Variants in PTPRD observed in about 807,000 individuals in gnomAD.
The protein encoded by PTPRD is protein tyrosine phosphatase receptor type D.
PTPRD carries 34 observed loss-of-function variants against 214.5 expected under a neutral mutation model. The observed-to-expected ratio is 0.16, with a 90% CI of 0.12 to 0.21. PTPRD has a LOEUF of 0.21. PTPRD is among the 10% of genes least tolerant of loss of function. The pLI is 1.00. For missense variants in PTPRD, 2,545 were observed against 2,398.7 expected (o/e 1.06, Z -1.27); for synonymous variants, 1,128 against 845.7 (o/e 1.33, Z -5.79).
intron 3 of PTPRD, among the ~76,000 whole-genome samples, chr9:10,157,405 G>A (rs932303382): frequency 2.0e-5 from 3 of 152,182 alleles, no homozygotes; most frequent in Non-Finnish European, 4.4e-5. Context: ...AGTTTGGCAA[G>A]ACATGAAGTT....
In PTPRD at chr9:10,557,865, C is replaced by G. The variant is rs144073791; in HGVS notation, c.-600+54533G>C. 8.2e-4 allele frequency among the ~76,000 whole-genome samples: 125 copies of G among 152,228 alleles called. 1 individual carries two copies. The Middle Eastern group carries it at 0.01, about 12-fold the overall frequency. On this transcript the variant is annotated intron_variant, in intron 2 of 45. Transcript: ENST00000381196. ...TATATTTATGTCACGTTCTAAGAAG[C>G]ATGTAAATGTTTTATAGCAAAATTA...
intron 9 of PTPRD, among the ~76,000 whole-genome samples, chr9:9,223,307 T>C (rs1312842013): frequency 6.6e-6 from 1 of 151,972 alleles, no homozygotes; most frequent in Non-Finnish European, 1.5e-5. Flanking sequence ...GATTATTTCA[T>C]GAAAACCACA....
intron 6 of PTPRD, among the ~76,000 whole-genome samples, chr9:9,762,411 T>A (rs1257518600): frequency 1.3e-5 from 2 of 152,226 alleles, no homozygotes; most frequent in African/African-American, 4.8e-5. Flanking sequence ...ATAAACAGAC[T>A]GAAAATTTTC....
At chr9:8,935,458 G>C (rs960824226) in intron 11 of PTPRD, among the ~76,000 whole-genome samples, 1 of 152,040 alleles carries the variant, frequency 6.6e-6, no homozygotes, top group African/African-American at 2.4e-5. Context: ...TTTAAAGTAA[G>C]TGCTTTGGGG....
Position 8,929,392 on chromosome 9 carries a change from G to C in PTPRD, c.-104+89305C>G, listed in dbSNP as rs533813214. Among the ~76,000 whole-genome samples the C allele has an allele frequency of 4.9e-4, 75 of 152,032 alleles. 1 individual carries two copies. In the South Asian group the frequency reaches 0.015, roughly 31 times the overall value. On this transcript the variant is annotated intron_variant, in intron 11 of 45. Coordinates refer to ENST00000381196, the MANE Select transcript of PTPRD (RefSeq NM_002839.4). The stretch of plus-strand genomic sequence containing the variant: ...ATACCTAGTTTATTGAGAGTTTTTA[G>C]CATGAAGTTGTGTTGAATTTTATCA...
rs369267299 is a variant in PTPRD, at chr9:8,748,910, T to C, written c.-103-14964A>G. Among the ~76,000 whole-genome samples the C allele has an allele frequency of 8.9e-4, 135 of 152,132 alleles. No individual in the cohort carries two copies. The East Asian group carries it at 0.011, about 12-fold the overall frequency. ...GGGTAATAAGAGCAAAACTCCATCA[T>C]AAAAAAAGAAAATTCATCATTTTCT... On this transcript the variant is annotated intron_variant, in intron 11 of 45. Transcript: ENST00000381196.
intron 4 of PTPRD, among the ~76,000 whole-genome samples, chr9:10,027,371 C>A (rs2096944634): frequency 6.6e-6 from 1 of 152,114 alleles, no homozygotes; most frequent in African/African-American, 2.4e-5. Context: ...CTTTTCCAAG[C>A]TGTCAGGGAA....
chr9:9,175,689 A>G (rs1370697257), intron 10 of PTPRD, among the ~76,000 whole-genome samples: 1 of 151,378 alleles, frequency 6.6e-6, no homozygotes, highest in African/African-American at 2.4e-5. Flanking sequence ...ACTCAAAAAT[A>G]TACTATTTGT....
chr9:10,327,597 C>A (rs182291440), intron 3 of PTPRD, among the ~76,000 whole-genome samples: 44 of 151,578 alleles, frequency 2.9e-4, no homozygotes, highest in Admixed American at 6.6e-4. Flanking sequence ...AGAGCTCTTG[C>A]ATAAATTAAA....
intron 22 of PTPRD, among the ~76,000 whole-genome samples, chr9:8,506,967 A>G (rs2097554825): frequency 6.6e-6 from 1 of 152,190 alleles, no homozygotes; most frequent in Non-Finnish European, 1.5e-5. Context: ...TGAAGAAGAG[A>G]AAGTCCTCAA....
chr9:9,122,012 T>A (rs2099818075), intron 10 of PTPRD, among the ~76,000 whole-genome samples: 1 of 152,130 alleles, frequency 6.6e-6, no homozygotes, highest in African/African-American at 2.4e-5. Flanking sequence ...TCCCAGAATT[T>A]GTTACATGAG....
chr9:8,786,910 C>A (rs553436676), intron 11 of PTPRD, among the ~76,000 whole-genome samples: 37 of 151,988 alleles, frequency 2.4e-4, no homozygotes, highest in African/African-American at 8.9e-4. Context: ...GAGAAAACTA[C>A]TTTATTTATT....
At chr9:9,016,233 G>A (rs1256066476) in intron 11 of PTPRD, among the ~76,000 whole-genome samples, 1 of 152,024 alleles carries the variant, frequency 6.6e-6, no homozygotes, top group Admixed American at 6.6e-5. Context: ...CCACACCAGT[G>A]TGGATAAAAT....
intron 9 of PTPRD, among the ~76,000 whole-genome samples, chr9:9,303,204 C>A (rs1348011075): frequency 1.3e-5 from 2 of 151,944 alleles, no homozygotes; most frequent in African/African-American, 4.8e-5. Flanking sequence ...CAGTCCAGTT[C>A]CCCATTATCC....
chr9:8,385,045 T>G (rs1254388591), intron 37 of PTPRD, among the ~76,000 whole-genome samples: 1 of 152,198 alleles, frequency 6.6e-6, no homozygotes, highest in East Asian at 1.9e-4. Context: ...TAAGTCATAG[T>G]TCACACTTAT....
chr9:9,902,275 C>T (rs561339205), intron 5 of PTPRD, among the ~76,000 whole-genome samples: 38 of 152,092 alleles, frequency 2.5e-4, no homozygotes, highest in Non-Finnish European at 4.1e-4. Flanking sequence ...TCACTGTGTT[C>T]TAATTTATGT....
At chr9:9,572,657 G>A (rs945054364) in intron 8 of PTPRD, among the ~76,000 whole-genome samples, 12 of 146,136 alleles carry the variant, frequency 8.2e-5, no homozygotes, top group Admixed American at 5.6e-4. Flanking sequence ...AACATAACCC[G>A]ATATGTATAT....
chr9:8,966,264 T>C (rs1166909745), intron 11 of PTPRD, among the ~76,000 whole-genome samples: 2 of 151,994 alleles, frequency 1.3e-5, no homozygotes, highest in African/African-American at 4.8e-5. Context: ...AATATTCATA[T>C]TGAAAAACAA....
chr9:10,338,080 CTATTT>C (rs1309546078), intron 3 of PTPRD, among the ~76,000 whole-genome samples: 1 of 151,546 alleles, frequency 6.6e-6, no homozygotes, highest in Non-Finnish European at 1.5e-5. Context: ...GAGCTTCATT[CTATTT>C]TGAGTCCAAA....
Sources: gnomAD v4.1 joint callset for allele counts (sites outside exome capture counted in the v4.1 genomes callset) on GRCh38, gnomAD v4.1.1 for gene constraint, MANE v1.5 for transcripts, NCBI Gene and HGNC (gene_info 2026-07-23, HGNC 2026-07-21) for gene names.